Variants in USP47 observed in about 807,000 individuals in gnomAD.
USP47 encodes ubiquitin carboxyl-terminal hydrolase 47.
Under a neutral mutation model 165.1 loss-of-function variants are expected in USP47, and 35 were observed. The ratio of observed to expected loss-of-function variants is 0.21; its 90% confidence interval spans 0.16 to 0.28. The LOEUF (loss-of-function observed/expected upper bound fraction) is 0.28, where lower values mean the gene tolerates loss of function less well. Among genes scored for constraint, USP47 ranks in the 10% least tolerant of loss-of-function variants. The probability of loss-of-function intolerance (pLI) is 1.00; values close to 1 mark genes in which losing one functional copy is unlikely to be tolerated. For synonymous variants in USP47, 531 were observed against 544.5 expected (o/e 0.98, Z 0.35); for missense variants, 1,277 against 1,607.4 (o/e 0.79, Z 3.52).
At chr11:11,947,378 C>T (rs932462674) in intron 20 of USP47, among the ~76,000 whole-genome samples, 1 of 152,016 alleles carries the variant, frequency 6.6e-6, no homozygotes, top group African/African-American at 2.4e-5. Context: ...GTATGCCAGT[C>T]GTGACTTTTT....
At chr11:11,849,231 G>T (rs1466593321) in intron 1 of USP47, among the ~76,000 whole-genome samples, 22 of 152,150 alleles carry the variant, frequency 1.4e-4, no homozygotes, top group Admixed American at 1.4e-3. Context: ...AGTTTATAAT[G>T]ACTCCATTTT....
intron 20 of USP47, chr11:11,943,511 A>G (rs1564891398): frequency 6.5e-6 from 1 of 153,452 alleles, no homozygotes; most frequent in Non-Finnish European, 1.5e-5. Flanking sequence ...CAATGCAAAC[A>G]ACAATTCCCT....
At chr11:11,869,135 A>C (rs867876670) in intron 1 of USP47, among the ~76,000 whole-genome samples, 1 of 152,092 alleles carries the variant, frequency 6.6e-6, no homozygotes, top group African/African-American at 2.4e-5. Context: ...CCAGTTTATC[A>C]ATTTTTCCTT....
chr11:11,930,207 G>A (rs1854561019), intron 13 of USP47, 87 bp downstream of exon 13: 2 of 1,274,646 alleles, frequency 1.6e-6, no homozygotes, highest in Middle Eastern at 2.3e-4. Flanking sequence ...ATTTAACCAA[G>A]GGATTGAGGA....
At chr11:11,925,490 A>G (rs1048009636) in intron 11 of USP47, among the ~76,000 whole-genome samples, 1 of 152,038 alleles carries the variant, frequency 6.6e-6, no homozygotes, top group Non-Finnish European at 1.5e-5. Flanking sequence ...CTTTGACACT[A>G]TTGTAAATGG....
At chr11:11,905,696 A>T in intron 8 of USP47, 148 bp downstream of exon 8, 1 of 773,144 alleles carries the variant, frequency 1.3e-6, no homozygotes, top group Non-Finnish European at 1.8e-6. Context: ...AAGATCTAGA[A>T]GATTTTTGAC....
chr11:11,928,413 AC>A, intron 11 of USP47, among the ~76,000 whole-genome samples: 1 of 152,216 alleles, frequency 6.6e-6, no homozygotes, highest in East Asian at 1.9e-4. Context: ...TAGAAATTTC[AC>A]TAATTAACAA....
At chr11:11,903,404 G>C (rs1427966866) in intron 7 of USP47, 62 bp downstream of exon 7, 1 of 1,493,704 alleles carries the variant, frequency 6.7e-7, no homozygotes, top group Non-Finnish European at 9.3e-7. Flanking sequence ...TACCCTAAAT[G>C]ACTTTTATTC....
At chr11:11,928,158 TATG>T (rs1455176084) in intron 11 of USP47, among the ~76,000 whole-genome samples, 16 of 152,068 alleles carry the variant, frequency 1.1e-4, no homozygotes, top group African/African-American at 3.1e-4. Context: ...GGAGACTGCT[TATG>T]ATAAGATATT....
intron 19 of USP47, 88 bp downstream of exon 19, chr11:11,940,636 C>T: frequency 7.4e-7 from 1 of 1,355,596 alleles, no homozygotes; most frequent in Non-Finnish European, 1.0e-6. Context: ...GCCTCCACAG[C>T]TGTTCAACAT....
In USP47 at chr11:11,958,602, T is replaced by C. The variant is rs1309552213; in HGVS notation, c.*2427T>C. On this transcript the variant is annotated 3_prime_UTR_variant, in exon 28 of 28. Transcript: ENST00000527733. ...CACATGCAACAAATTGTGACCCTGCTCCCCACAAGTCATGCAAAGGTTTTG... is the reference window on the plus strand; with the variant it reads ...CACATGCAACAAATTGTGACCCTGCCCCCCACAAGTCATGCAAAGGTTTTG... The C allele has an allele frequency of 6.6e-6, 1 of 152,144 alleles. No individual in the cohort carries two copies. The highest frequency in any genetic ancestry group is 2.4e-5 in the African/African-American group (1 of 41,420). The allele number at this position is 152,144 out of a possible 1,614,324, so 9.4% of individuals were successfully genotyped here. A position where few individuals can be genotyped will look rare whatever the true frequency, so the allele number is the denominator to read the frequency against.
chr11:11,906,693 C>A (rs1470548442), intron 8 of USP47, among the ~76,000 whole-genome samples: 1 of 152,044 alleles, frequency 6.6e-6, no homozygotes, highest in Non-Finnish European at 1.5e-5. Flanking sequence ...TTTAGTACTA[C>A]TTTTTTAAAT....
chr11:11,884,374 A>AAAAAAT (rs1851019084), intron 2 of USP47, 93 bp from the exon 3 acceptor site: 1 of 924,242 alleles, frequency 1.1e-6, no homozygotes. Flanking sequence ...ATCATTACTA[A>AAAAAAT]AAAAATACTA....
chr11:11,900,150 T>G (rs1009716385), intron 5 of USP47, among the ~76,000 whole-genome samples: 5 of 150,732 alleles, frequency 3.3e-5, no homozygotes, highest in African/African-American at 9.8e-5. Context: ...GTTTATTTTC[T>G]TCACTTTTTT....
intron 11 of USP47, among the ~76,000 whole-genome samples, chr11:11,923,302 A>G (rs1853997421): frequency 6.6e-6 from 1 of 151,830 alleles, no homozygotes; most frequent in Admixed American, 6.6e-5. Flanking sequence ...ATGTTGGATT[A>G]GTCATTGATT....
intron 24 of USP47, chr11:11,951,640 A>G (rs1856234314): frequency 6.6e-6 from 1 of 152,196 alleles, no homozygotes; most frequent in Non-Finnish European, 1.5e-5. Flanking sequence ...ATATTTTGTT[A>G]CAAGATTATC....
rs1208793646 is a variant in USP47, at chr11:11,952,848, A to T, written c.3691A>T (p.Ser1231Cys). Residue 1231 changes from serine to cysteine, a missense_variant, in exon 25 of 28, where the codon AGT becomes TGT. Transcript: ENST00000527733. ...CCAGGAGGTTGTATTGGAAAGCAGT[A>T]GTGTGGACGAATTGCGAGAGAAGGT... The part of the protein sequence containing the change: ...PFQEVVLESS[S>C]VDELREKLSE... 2 of 1,607,282 alleles carry T rather than the reference A, an allele frequency of 1.2e-6. No homozygotes were observed. The highest frequency in any genetic ancestry group is 2.2e-5 in the South Asian group (2 of 90,246).
chr11:11,954,822 G>A, intron 25 of USP47, 75 bp from the exon 26 acceptor site: 1 of 1,510,236 alleles, frequency 6.6e-7, no homozygotes, highest in African/African-American at 1.4e-5. Context: ...TTCTGTTTGT[G>A]GGGTAAAAGG....
intron 1 of USP47, among the ~76,000 whole-genome samples, chr11:11,849,717 C>A (rs1333154370): frequency 6.6e-6 from 1 of 152,174 alleles, no homozygotes; most frequent in East Asian, 1.9e-4. Flanking sequence ...TCTCTCAGTT[C>A]TGTCTTGTTT....
Sources: allele counts gnomAD v4.1 joint callset (sites outside exome capture counted in the v4.1 genomes callset), GRCh38; gene constraint gnomAD v4.1.1; transcripts MANE v1.5; gene names NCBI Gene and HGNC (gene_info 2026-07-23, HGNC 2026-07-21).